IL17RC: variants seen among roughly 807,000 people sequenced by gnomAD.
IL17RC encodes the protein interleukin 17 receptor C.
A neutral mutation model predicts 86.7 loss-of-function variants in IL17RC; 53 were observed. The ratio of observed to expected loss-of-function variants is 0.61; its 90% CI spans 0.49 to 0.77. IL17RC has a LOEUF of 0.77. Ranked by LOEUF, IL17RC falls within the 30% of genes least tolerant of loss-of-function variation. The probability of loss-of-function intolerance (pLI) is 0.00; values close to 1 mark genes in which losing one functional copy is unlikely to be tolerated. For missense variants in IL17RC, 957 were observed against 940.0 expected, an observed-to-expected ratio of 1.02 and a Z score of -0.24; for synonymous variants, 439 against 413.1, an observed-to-expected ratio of 1.06 and a Z score of -0.76.
chr3:9,928,597 A>T lies in IL17RC; in HGVS notation c.1077A>T (p.Pro359=). The part of the protein sequence containing the change: ...NVTVDKVLEF[P]LLKGHPNLCV... Reference sequence around the variant, plus strand: ...TTCCACAGAAGGTTCTCGAGTTCCCATTGCTGAAAGGCCACCCTAACCTCT... The same window carrying T: ...TTCCACAGAAGGTTCTCGAGTTCCCTTTGCTGAAAGGCCACCCTAACCTCT... The change falls in exon 12 of 19, where the codon CCA becomes CCT. Residue 359 remains proline, a synonymous_variant. Transcript: ENST00000403601. 1 of 1,613,736 alleles carries T rather than the reference A, an allele frequency of 6.2e-7. No individual in the cohort carries two copies. The highest frequency in any genetic ancestry group is 8.5e-7 in the Non-Finnish European group (1 of 1,180,002).
chr3:9,918,386 CA>C lies in IL17RC; in HGVS notation c.333del (p.Val113TrpfsTer55). 1 of 1,608,850 alleles carries C rather than the reference CA, an allele frequency of 6.2e-7. No individual in the cohort carries two copies. Among genetic ancestry groups the C allele is most frequent in the South Asian group, 1.1e-5 (1 of 90,450 alleles). ...DEEKFGGAAD[S>X]GVEEPRNASL... ...GAAAAGTTTGGAGGAGCAGCTGACT[CA>C]GGGGTGGAGGAGCCTAGGAATGGTG... On this transcript the variant is annotated frameshift_variant, in exon 4 of 19. Coordinates refer to ENST00000403601, the MANE Select transcript of IL17RC (RefSeq NM_153460.4). LOFTEE classifies it high-confidence loss of function.
chr3:9,932,750 G>T lies in IL17RC; in HGVS notation c.1483+47G>T, dbSNP rs765710291. On this transcript the variant is annotated intron_variant, in intron 17 of 18. Coordinates refer to ENST00000403601, the MANE Select transcript of IL17RC (RefSeq NM_153460.4). ...ATTCCCCTGGGGGAGGACCAGAGTG[G>T]CTGTGGGAGTTCTCCGAGGGAAAGC... is the stretch of plus-strand genomic sequence containing the variant. 10 of 1,606,640 alleles carry T rather than the reference G, an allele frequency of 6.2e-6. No individual in the cohort carries two copies. The South Asian group carries it at 6.6e-5, about 11-fold the overall frequency.
chr3:9,923,806 A>T (rs2083802630), intron 7 of IL17RC, 75 bp from the exon 8 acceptor site: 2 of 1,521,550 alleles, frequency 1.3e-6, no homozygotes, highest in South Asian at 2.3e-5. Flanking sequence ...GTTTGAAGGA[A>T]ACTCCAAAGG....
rs1179854480 is a variant in IL17RC at position 9,917,347 on chromosome 3, C to T, written c.32C>T (p.Ala11Val). The T allele has an allele frequency of 6.2e-7, 1 of 1,614,084 alleles. No homozygotes were observed. The highest frequency in any genetic ancestry group is 8.5e-7 in the Non-Finnish European group (1 of 1,180,000). ...GTGCCCTGGTTCTTGCTGTCCTTGG[C>T]ACTGGGCCGAAGCCCAGTGGTCCTT... is the stretch of plus-strand genomic sequence containing the variant. MPVPWFLLSL[A>V]LGRSPVVLSL... is the part of the protein sequence containing the mutation. The change falls in exon 1 of 19, where the codon GCA (alanine) becomes GTA (valine). Residue 11 changes from alanine to valine, a missense_variant. Coordinates refer to ENST00000403601, the MANE Select transcript of IL17RC (RefSeq NM_153460.4).
chr3:9,918,464 C>G lies in IL17RC; in HGVS notation c.356-36C>G, dbSNP rs750878611. ...CCATGCCAAGGCCTGGCCTGCCGCT[C>G]CTGGGCCTGACTGACCCCTGCCCTG... is the stretch of plus-strand genomic sequence containing the variant. On this transcript the variant is annotated intron_variant, in intron 4 of 18. Transcript: ENST00000403601. 39 of 1,610,030 alleles carry G rather than the reference C, an allele frequency of 2.4e-5. 1 individual carries two copies. The Middle Eastern group carries it at 1.3e-3, about 55-fold the overall frequency.
At position 9,920,077 on chromosome 3, in the gene IL17RC, T is replaced by C. The variant is rs536997010; in HGVS notation, c.466-414T>C. Among the ~76,000 whole-genome samples the C allele has an allele frequency of 3.9e-5, 6 of 152,222 alleles. No individual in the cohort carries two copies. The South Asian group carries it at 1.0e-3, about 26-fold the overall frequency. On this transcript the variant is annotated intron_variant, in intron 5 of 18. Coordinates refer to ENST00000403601, the MANE Select transcript of IL17RC (RefSeq NM_153460.4). The stretch of plus-strand genomic sequence containing the variant: ...CCCAGCCAATATCCTATCTGGAGAA[T>C]TGTAGACTGGGAGAACATCTGCTTG...
In IL17RC at chr3:9,928,305, A is replaced by AC; in HGVS notation, c.883dup (p.Arg295ProfsTer72). On this transcript the variant is annotated frameshift_variant and splice_region_variant, in exon 11 of 19. Transcript: ENST00000403601. LOFTEE classifies it high-confidence loss of function. ...CGGTGACTGTGCCCTTTCCTTGCAG[A>AC]CCCCCGCGCACACCAGAACCTCTGG... 1 of 1,604,730 alleles carries AC rather than the reference A, an allele frequency of 6.2e-7. No individual in the cohort carries two copies. Among genetic ancestry groups the AC allele is most frequent in the Non-Finnish European group, 8.5e-7 (1 of 1,173,414 alleles).
chr3:9,929,280 C>CT (rs2084422863), intron 12 of IL17RC: 1 of 155,132 alleles, frequency 6.4e-6, no homozygotes, highest in African/African-American at 2.4e-5. Context: ...CGCCACTGCA[C>CT]TCCAGCCTGG....
chr3:9,933,219 G>C lies in IL17RC; in HGVS notation c.1789G>C (p.Val597Leu). 1.2e-6 allele frequency: 2 copies of C among 1,607,638 alleles called. No homozygotes were observed. Among genetic ancestry groups the C allele is most frequent in the Non-Finnish European group, 1.7e-6 (2 of 1,177,684 alleles). The change falls in exon 19 of 19, where the codon GTG becomes CTG. Residue 597 changes from valine to leucine, a missense_variant. Transcript: ENST00000403601. ...ALCSEWLQDG[V>L]SGPGAHGPHD... ...GTGCAGCGAGTGGCTACAGGATGGG[G>C]TGTCCGGGCCCGGGGCGCACGGCCC...
At chr3:9,927,489 C>G (rs530248319) in intron 9 of IL17RC, among the ~76,000 whole-genome samples, 1 of 152,120 alleles carries the variant, frequency 6.6e-6, no homozygotes, top group Non-Finnish European at 1.5e-5. Flanking sequence ...ACCCAGGAGG[C>G]GGAGGTTGTG....
chr3:9,918,634 T>C (rs910140050), intron 5 of IL17RC, 25 bp downstream of exon 5: 1 of 1,481,246 alleles, frequency 6.8e-7, no homozygotes, highest in Non-Finnish European at 9.4e-7. Context: ...AATAATCACC[T>C]TCTAAACCTA....
At position 9,933,585 on chromosome 3, in the gene IL17RC, G is replaced by C. The variant is rs777636561; in HGVS notation, c.2155G>C (p.Gly719Arg). 43 of 1,594,312 alleles carry C rather than the reference G, an allele frequency of 2.7e-5. 1 individual carries two copies. In the Middle Eastern group the frequency reaches 5.6e-4, roughly 21 times the overall value. Residue 719 changes from glycine to arginine, a missense_variant, in exon 19 of 19, where the codon GGG becomes CGG. Transcript: ENST00000403601. ...GPGAGPGAGD[G>R]T ...AGGCGCGGGACCTGGGGCGGGGGAC[G>C]GGACTTAAATAAAGGCAGACGCTGT... is the stretch of plus-strand genomic sequence containing the variant.
rs751896720 is a variant in IL17RC, at chr3:9,924,033, C to G, written c.762+13C>G. 3 of 1,613,092 alleles carry G rather than the reference C, an allele frequency of 1.9e-6. No homozygotes were observed. The East Asian group carries it at 6.7e-5, about 36-fold the overall frequency. ...GCACAAAAACCTGGTGAGGCCTCCCCCTTCCCAAGTCCATTCCCACTGTAG... is the reference window on the plus strand; with the variant it reads ...GCACAAAAACCTGGTGAGGCCTCCCGCTTCCCAAGTCCATTCCCACTGTAG... On this transcript the variant is annotated intron_variant, in intron 8 of 18. Coordinates refer to ENST00000403601, the MANE Select transcript of IL17RC (RefSeq NM_153460.4).
intron 9 of IL17RC, among the ~76,000 whole-genome samples, chr3:9,926,785 G>A (rs1559308361): frequency 6.6e-6 from 1 of 152,076 alleles, no homozygotes; most frequent in African/African-American, 2.4e-5. Context: ...ACCATGCCCG[G>A]CTAATTTTTG....
At chr3:9,918,670 A>G (rs2083305607) in intron 5 of IL17RC, 61 bp downstream of exon 5, 1 of 1,132,456 alleles carries the variant, frequency 8.8e-7, no homozygotes. Flanking sequence ...TTTCACATGC[A>G]TTATCTCTTT....
Position 9,918,623 on chromosome 3 carries a change from T to G in IL17RC, c.465+14T>G. 1 of 1,550,570 alleles carries G rather than the reference T, an allele frequency of 6.4e-7. No individual in the cohort carries two copies. The highest frequency in any genetic ancestry group is 8.9e-7 in the Non-Finnish European group (1 of 1,122,628). On this transcript the variant is annotated intron_variant, in intron 5 of 18. Transcript: ENST00000403601. ...GGTCAGTCTGTGGTATGCAAAATAA[T>G]AATAATCACCTTCTAAACCTAAAAT...
Position 9,929,849 on chromosome 3 carries a change from C to G in IL17RC, c.1111-3C>G, listed in dbSNP as rs769892513. ...GGCCCTAACCATGGTCTCTTCCCAG[C>G]AGGTGAACAGCTCGGAGAAGCTGCA... On this transcript the variant is annotated splice_polypyrimidine_tract_variant and splice_region_variant and intron_variant, in intron 12 of 18. Transcript: ENST00000403601. The G allele has an allele frequency of 2.0e-5, 32 of 1,614,012 alleles. No homozygotes were observed. The Admixed American group carries it at 5.3e-4, about 27-fold the overall frequency.
chr3:9,931,834 G>C (rs1222682975), intron 16 of IL17RC, among the ~76,000 whole-genome samples: 1 of 149,288 alleles, frequency 6.7e-6, no homozygotes, highest in Non-Finnish European at 1.5e-5. Flanking sequence ...GATCTCTGAG[G>C]CTGTCATGAA....
rs761659087 is a variant in IL17RC, at chr3:9,930,961, T to A, written c.1387+18T>A. The A allele has an allele frequency of 6.2e-7, 1 of 1,609,150 alleles. No homozygotes were observed. The highest frequency in any genetic ancestry group is 2.2e-5 in the East Asian group (1 of 44,870). The stretch of plus-strand genomic sequence containing the variant: ...GGACAAATGTGAGTATTGTAAGAAC[T>A]GCCTTTCCTTTCTGTACCAGGAGTG... On this transcript the variant is annotated intron_variant, in intron 16 of 18. Transcript: ENST00000403601. This position sits in a 1 kb window ranked among gnomAD's most constrained non-coding sequence, Gnocchi z 5.8.
Sources: gnomAD v4.1 joint callset for allele counts (sites outside exome capture counted in the v4.1 genomes callset) on GRCh38, gnomAD v4.1.1 for gene constraint, Gnocchi (gnomAD v3.1) non-coding constraint, MANE v1.5 for transcripts, NCBI Gene and HGNC (gene_info 2026-07-23, HGNC 2026-07-21) for gene names.